GRID1: variants seen among roughly 807,000 people sequenced by gnomAD.
GRID1 encodes glutamate receptor ionotropic, delta-1.
Under a neutral mutation model 98.0 loss-of-function variants are expected in GRID1, and 28 were observed. The observed-to-expected ratio is 0.29, with a 90% confidence interval of 0.21 to 0.39. The LOEUF (loss-of-function observed/expected upper bound fraction) is 0.39. GRID1 is among the 10% of genes least tolerant of loss of function. The pLI is 1.00. For missense variants in GRID1, 1,111 were observed against 1,340.5 expected, an observed-to-expected ratio of 0.83 and a Z score of 2.67; for synonymous variants, 553 against 538.5, an observed-to-expected ratio of 1.03 and a Z score of -0.37.
At chr10:85,987,173 G>A (rs188603817) in intron 4 of GRID1, among the ~76,000 whole-genome samples, 3 of 152,130 alleles carry the variant, frequency 2.0e-5, no homozygotes, top group East Asian at 1.9e-4. Flanking sequence ...AGCCTCAGGG[G>A]TATCTTCAAA....
chr10:86,121,520 C>T (rs373410637), intron 4 of GRID1, among the ~76,000 whole-genome samples: 7 of 3,974 alleles, frequency 1.8e-3, no homozygotes, highest in African/African-American at 2.9e-3. Context: ...ATCATCACTA[C>T]CATCATCACC....
chr10:85,802,527 C>G (rs540759903), intron 8 of GRID1, among the ~76,000 whole-genome samples: 1 of 151,902 alleles, frequency 6.6e-6, no homozygotes, highest in African/African-American at 2.4e-5. Context: ...TATTCGTAAC[C>G]TTTTAAAAAT....
chr10:85,837,243 A>G (rs1190384727), intron 8 of GRID1, among the ~76,000 whole-genome samples: 1 of 152,152 alleles, frequency 6.6e-6, no homozygotes, highest in East Asian at 1.9e-4. Context: ...GGGCACAGAG[A>G]AAGCACCCAG....
At chr10:85,917,043 C>T (rs1054302804) in intron 4 of GRID1, among the ~76,000 whole-genome samples, 4 of 152,188 alleles carry the variant, frequency 2.6e-5, no homozygotes, top group Non-Finnish European at 5.9e-5. Flanking sequence ...GCAGACAGAA[C>T]TCAGTTAATT....
Position 85,715,470 on chromosome 10 carries a change from G to T in GRID1, c.1997+7533C>A, listed in dbSNP as rs572932145. Among the ~76,000 whole-genome samples the T allele has an allele frequency of 4.6e-5, 7 of 152,128 alleles. No individual in the cohort carries two copies. The South Asian group carries it at 1.4e-3, about 31-fold the overall frequency. ...GCAAAATGACAGAAAATCAAATAATGTGCTAATATCCAAAATATATAAGGA... is the reference window on the plus strand; with the variant it reads ...GCAAAATGACAGAAAATCAAATAATTTGCTAATATCCAAAATATATAAGGA... On this transcript the variant is annotated intron_variant, in intron 12 of 15. Transcript: ENST00000327946.
intron 15 of GRID1, chr10:85,605,765 C>A (rs2664399): frequency 0.66 from 99,787 of 151,992 alleles, 33,835 homozygotes; most frequent in African/African-American, 0.85. Flanking sequence ...AGAGGGAAAG[C>A]TTAACTTCCT....
chr10:85,745,670 T>C (rs1347801426), intron 8 of GRID1, among the ~76,000 whole-genome samples: 3 of 142,966 alleles, frequency 2.1e-5, no homozygotes, highest in Non-Finnish European at 4.5e-5. Context: ...CATGTATACA[T>C]ATGTAACTAA....
At chr10:86,207,910 G>A (rs564227151) in intron 2 of GRID1, among the ~76,000 whole-genome samples, 6 of 152,300 alleles carry the variant, frequency 3.9e-5, no homozygotes, top group Middle Eastern at 6.8e-3. Context: ...GATTACAGGC[G>A]TGAGCCACCG....
At chr10:86,203,457 GAC>G (rs1260003446) in intron 3 of GRID1, among the ~76,000 whole-genome samples, 1 of 151,842 alleles carries the variant, frequency 6.6e-6, no homozygotes, top group African/African-American at 2.4e-5. Flanking sequence ...TGGCTCACTT[GAC>G]ACAAGCATGT....
At chr10:86,302,359 T>C (rs888906874) in intron 2 of GRID1, among the ~76,000 whole-genome samples, 1 of 152,168 alleles carries the variant, frequency 6.6e-6, no homozygotes. Context: ...TGAGAAGCAC[T>C]CTGGGGTACT....
chr10:85,779,091 T>G (rs1239114393), intron 8 of GRID1, among the ~76,000 whole-genome samples: 1 of 152,236 alleles, frequency 6.6e-6, no homozygotes, highest in African/African-American at 2.4e-5. Flanking sequence ...ATACTTTTAT[T>G]TCTTCATGCT....
intron 4 of GRID1, among the ~76,000 whole-genome samples, chr10:86,036,690 A>G (rs1843267046): frequency 6.6e-6 from 1 of 152,160 alleles, no homozygotes; most frequent in South Asian, 2.1e-4. Flanking sequence ...CCACCAGCTG[A>G]TAAGCAGGAA....
chr10:86,215,273 G>A (rs975742860), intron 2 of GRID1, among the ~76,000 whole-genome samples: 2 of 152,214 alleles, frequency 1.3e-5, no homozygotes, highest in East Asian at 1.9e-4. Flanking sequence ...ACGGACTGTC[G>A]TCCAGGGCAG....
Position 86,359,323 on chromosome 10 carries a change from C to T in GRID1, c.235+4618G>A, listed in dbSNP as rs760036382. Reference sequence around the variant, plus strand: ...TCTCTATAATTCTGAATGGAGCCAACGAAGATGCCGGAAGCCATCAGAGCT... The same window carrying T: ...TCTCTATAATTCTGAATGGAGCCAATGAAGATGCCGGAAGCCATCAGAGCT... On this transcript the variant is annotated intron_variant, in intron 2 of 15. Transcript: ENST00000327946. 9.2e-5 allele frequency among the ~76,000 whole-genome samples: 14 copies of T among 152,212 alleles called. No individual in the cohort carries two copies. The Middle Eastern group carries it at 0.014, about 148-fold the overall frequency.
chr10:85,664,890 A>G (rs1345590528), intron 12 of GRID1, among the ~76,000 whole-genome samples: 1 of 152,200 alleles, frequency 6.6e-6, no homozygotes, highest in African/African-American at 2.4e-5. Flanking sequence ...CAGTTTCCTC[A>G]TAAGCAATCA....
chr10:86,238,672 A>T (rs1273175897), intron 2 of GRID1, among the ~76,000 whole-genome samples: 2 of 151,144 alleles, frequency 1.3e-5, no homozygotes, highest in Non-Finnish European at 3.0e-5. Context: ...CCATCTCAAA[A>T]AAAAAAAAAA....
chr10:85,723,043 C>A lies in GRID1; in HGVS notation c.1957G>T (p.Ala653Ser). Reference protein sequence around the residue: ...IVCSSYTANLAAFLTVSRMDN... With the variant: ...IVCSSYTANLSAFLTVSRMDN... ...ATCCTGGACACTGTGAGGAAGGCAG[C>A]AAGGTTGGCTGTGTAGGAGGAGCAC... Residue 653 changes from alanine (A) to serine (S), a missense_variant, in exon 12 of 16, where the codon GCT becomes TCT. Transcript: ENST00000327946. 6.2e-7 allele frequency: 1 copy of A among 1,612,522 alleles called. No homozygotes were observed. Among genetic ancestry groups the A allele is most frequent in the Non-Finnish European group, 8.5e-7 (1 of 1,179,300 alleles).
At chr10:85,857,452 G>A (rs529350614) in intron 6 of GRID1, among the ~76,000 whole-genome samples, 3 of 152,106 alleles carry the variant, frequency 2.0e-5, no homozygotes, top group South Asian at 2.1e-4. Context: ...GGGGCCCAGC[G>A]GGAGCCCAAT....
At chr10:86,111,207 C>A (rs1391974064) in intron 4 of GRID1, among the ~76,000 whole-genome samples, 4 of 152,032 alleles carry the variant, frequency 2.6e-5, no homozygotes, top group Non-Finnish European at 5.9e-5. Flanking sequence ...CTTTTTTTTA[C>A]CCAGGCTCAG....
Sources: gnomAD v4.1 joint callset for allele counts (sites outside exome capture counted in the v4.1 genomes callset) on GRCh38, gnomAD v4.1.1 for gene constraint, MANE v1.5 for transcripts, NCBI Gene and HGNC (gene_info 2026-07-23, HGNC 2026-07-21) for gene names.